The following PCDHA3 variants were observed in gnomAD, a reference collection of about 807,000 sequenced individuals.
PCDHA3 encodes protocadherin alpha-3.
Under a neutral mutation model 62.2 loss-of-function variants are expected in PCDHA3, and 41 were observed. The ratio of observed to expected loss-of-function variants is 0.66; its 90% CI spans 0.51 to 0.86. The LOEUF (loss-of-function observed/expected upper bound fraction) is 0.86, where lower values mean the gene tolerates loss of function less well. PCDHA3 is among the 40% of genes least tolerant of loss of function. PCDHA3 has a pLI of 0.00. For missense variants in PCDHA3, 1,304 were observed against 1,241.2 expected, an observed-to-expected ratio of 1.05 and a Z score of -0.76; for synonymous variants, 640 against 555.4, an observed-to-expected ratio of 1.15 and a Z score of -2.14.
At chr5:140,842,812 G>A in intron 1 of PCDHA3, 1 of 1,594,038 alleles carries the variant, frequency 6.3e-7, no homozygotes, top group Non-Finnish European at 8.6e-7. Flanking sequence ...TTGTGGAGCG[G>A]CGGGTGGGCG....
intron 1 of PCDHA3, chr5:140,969,419 T>C: frequency 6.4e-7 from 1 of 1,563,564 alleles, no homozygotes; most frequent in Non-Finnish European, 8.7e-7. Flanking sequence ...ATTGAGTCAT[T>C]AACAGTGACA....
At chr5:140,884,049 TGC>T (rs1554181152) in intron 1 of PCDHA3, 1 of 1,613,414 alleles carries the variant, frequency 6.2e-7, no homozygotes. Context: ...GTGGCGAAGG[TGC>T]GCGCGGTGGA....
chr5:140,824,618 T>TTTTTTTTTA (rs1562279613), intron 1 of PCDHA3: 1 of 128,814 alleles, frequency 7.8e-6, no homozygotes, highest in Middle Eastern at 3.3e-3. Flanking sequence ...AAGTTTTTTT[T>TTTTTTTTTA]TTTTTTTTTT....
At chr5:140,905,351 TTGACTA>T (rs2071764307) in intron 1 of PCDHA3, among the ~76,000 whole-genome samples, 1 of 152,208 alleles carries the variant, frequency 6.6e-6, no homozygotes, top group Non-Finnish European at 1.5e-5. Context: ...CTGTAAGTAT[TTGACTA>T]TATTTCTGGT....
intron 3 of PCDHA3, among the ~76,000 whole-genome samples, chr5:140,991,432 C>T (rs2153896288): frequency 6.6e-6 from 1 of 152,310 alleles, no homozygotes; most frequent in Non-Finnish European, 1.5e-5. Flanking sequence ...TAACCATAAA[C>T]TTCATGGCTT....
chr5:140,973,812 G>A (rs897592585), intron 1 of PCDHA3, among the ~76,000 whole-genome samples: 10 of 152,236 alleles, frequency 6.6e-5, no homozygotes, highest in Admixed American at 6.5e-4. Context: ...TGACAGAATA[G>A]CAAAGTCAGT....
At chr5:140,870,279 T>C (rs1047130885) in intron 1 of PCDHA3, 3 of 1,614,120 alleles carry the variant, frequency 1.9e-6, no homozygotes, top group Non-Finnish European at 2.5e-6. Context: ...CGCCCCACGT[T>C]CCCTTCAAGC....
chr5:140,985,928 C>A (rs1001132600), intron 3 of PCDHA3, among the ~76,000 whole-genome samples: 2 of 151,534 alleles, frequency 1.3e-5, no homozygotes, highest in Non-Finnish European at 2.9e-5. Flanking sequence ...TTTAGTAGAG[C>A]CGGGGTTTCA....
chr5:140,969,011 A>G lies in PCDHA3; in HGVS notation c.2395-9938A>G, dbSNP rs1554231347. On this transcript the variant is annotated intron_variant, in intron 1 of 3. Transcript: ENST00000522353. Reference sequence around the variant, plus strand: ...ATGCTGTGGAGGCTTCTGTGGAGTAAGGGAAAGGTCCCCTGCAGAACTGTA... The same window carrying G: ...ATGCTGTGGAGGCTTCTGTGGAGTAGGGGAAAGGTCCCCTGCAGAACTGTA... The G allele has an allele frequency of 2.5e-6, 4 of 1,614,084 alleles. No individual in the cohort carries two copies. In the South Asian group the frequency reaches 4.4e-5, roughly 18 times the overall value.
In PCDHA3 at chr5:140,868,915, G is replaced by C. The variant is rs1164548445; in HGVS notation, c.2394+65324G>C. On this transcript the variant is annotated intron_variant, in intron 1 of 3. Coordinates refer to ENST00000522353, the MANE Select transcript of PCDHA3 (RefSeq NM_018906.3). ...GCAAGGTGTCGCTCTTTACTTGGTG[G>C]AAAGTTCATTTAAAGGTTGGTCTGA... The C allele has an allele frequency of 7.4e-6, 7 of 948,738 alleles. No individual in the cohort carries two copies. In the East Asian group the frequency reaches 1.6e-4, roughly 22 times the overall value. The allele number at this position is 948,738 out of a possible 1,614,324, so 58.8% of individuals were successfully genotyped here. A position where few individuals can be genotyped will look rare whatever the true frequency, so the allele number is the denominator to read the frequency against.
intron 1 of PCDHA3, among the ~76,000 whole-genome samples, chr5:140,920,225 G>A (rs80019196): frequency 2.9e-3 from 441 of 151,762 alleles, no homozygotes; most frequent in African/African-American, 0.01. Flanking sequence ...CACATTTATA[G>A]TATTATATAC....
At chr5:140,849,902 G>A (rs1297576408) in intron 1 of PCDHA3, 3 of 1,598,418 alleles carry the variant, frequency 1.9e-6, no homozygotes, top group Non-Finnish European at 2.6e-6. Context: ...AGAACAACCC[G>A]CCGGGCTGCC....
At chr5:140,967,593 T>C (rs2096161783) in intron 1 of PCDHA3, 2 of 1,614,078 alleles carry the variant, frequency 1.2e-6, no homozygotes, top group Non-Finnish European at 1.7e-6. Context: ...GGCACATTGG[T>C]GGTGAAGCTG....
At chr5:140,982,268 A>G (rs2096974621) in intron 2 of PCDHA3, 3 of 885,512 alleles carry the variant, frequency 3.4e-6, no homozygotes, top group South Asian at 2.2e-5. Flanking sequence ...TGTTCCTGGA[A>G]TAGTATAGCA....
chr5:140,906,252 C>A (rs1376694912), intron 1 of PCDHA3, among the ~76,000 whole-genome samples: 1 of 152,180 alleles, frequency 6.6e-6, no homozygotes, highest in African/African-American at 2.4e-5. Context: ...AACCCATACA[C>A]ACCTCCTGAA....
intron 1 of PCDHA3, among the ~76,000 whole-genome samples, chr5:140,920,226 T>C (rs190564528): frequency 6.6e-6 from 1 of 152,042 alleles, no homozygotes; most frequent in East Asian, 1.9e-4. Context: ...ACATTTATAG[T>C]ATTATATACC....
At chr5:140,877,789 A>G (rs2057339151) in intron 1 of PCDHA3, 1 of 1,613,954 alleles carries the variant, frequency 6.2e-7, no homozygotes, top group Non-Finnish European at 8.5e-7. Context: ...CATGGCCTTC[A>G]GCCCAAGCCT....
intron 1 of PCDHA3, among the ~76,000 whole-genome samples, chr5:140,901,207 T>G (rs894216497): frequency 6.6e-6 from 1 of 152,206 alleles, no homozygotes; most frequent in Non-Finnish European, 1.5e-5. Flanking sequence ...AGAAGGTTTT[T>G]AAGTTGATGT....
intron 1 of PCDHA3, chr5:140,823,023 C>A (rs148202782): frequency 3.1e-6 from 5 of 1,614,108 alleles, no homozygotes; most frequent in Middle Eastern, 1.6e-4. Context: ...ACCGCGAGAG[C>A]GTGTCGGTCT....
Sources: allele counts gnomAD v4.1 joint callset (sites outside exome capture counted in the v4.1 genomes callset), GRCh38; gene constraint gnomAD v4.1.1; transcripts MANE v1.5; gene names NCBI Gene and HGNC (gene_info 2026-07-23, HGNC 2026-07-21).